Variants in PLA2G4C observed in about 807,000 individuals in gnomAD.
PLA2G4C encodes the protein cytosolic phospholipase A2 gamma.
PLA2G4C carries 64 observed loss-of-function variants against 73.8 expected under a neutral mutation model. That is an observed-to-expected ratio of 0.87 (90% confidence interval 0.71 to 1.07). The LOEUF (loss-of-function observed/expected upper bound fraction) is 1.07. Among genes scored for constraint, PLA2G4C ranks in the 50% least tolerant of loss-of-function variants. PLA2G4C has a pLI of 0.00. For missense variants in PLA2G4C, 622 were observed against 665.4 expected (o/e 0.93, Z 0.72); for synonymous variants, 254 against 252.1 (o/e 1.01, Z -0.07).
At chr19:48,055,614 G>A (rs1967911365) in intron 14 of PLA2G4C, among the ~76,000 whole-genome samples, 1 of 137,254 alleles carries the variant, frequency 7.3e-6, no homozygotes. Flanking sequence ...CTGTGTAACA[G>A]AAATATAATG....
At chr19:48,087,733 G>A (rs568648935) in intron 9 of PLA2G4C, among the ~76,000 whole-genome samples, 1 of 152,132 alleles carries the variant, frequency 6.6e-6, no homozygotes, top group Admixed American at 6.5e-5. Context: ...TTGGGAGATC[G>A]AGACCAGCCT....
intron 1 of PLA2G4C, 172 bp from the exon 2 acceptor site, chr19:48,106,733 GGGCGGC>G (rs1430898090): frequency 1.0e-5 from 6 of 578,302 alleles, no homozygotes; most frequent in Non-Finnish European, 1.9e-5. Flanking sequence ...ATAATCTCAG[GGGCGGC>G]CAAGCGAGGA....
chr19:48,050,673 C>T (rs74518067), intron 16 of PLA2G4C, among the ~76,000 whole-genome samples: 53 of 78,742 alleles, frequency 6.7e-4, no homozygotes, highest in Admixed American at 1.2e-3. Flanking sequence ...GAGTATGTGA[C>T]TTTTTTTTTT....
Position 48,091,905 on chromosome 19 carries a change from AAAAAT to A in PLA2G4C, c.710-1493_710-1489del, listed in dbSNP as rs1174717345. Reference sequence around the variant, plus strand: ...TCTCAAAAAAAAAAAAAAAAAAAAAAAAAATAGACACACCCATTAGGATGGCTGGT... The same window carrying A: ...TCTCAAAAAAAAAAAAAAAAAAAAAAAGACACACCCATTAGGATGGCTGGT... On this transcript the variant is annotated intron_variant, in intron 7 of 16. Transcript: ENST00000599921. Among the ~76,000 whole-genome samples the A allele has an allele frequency of 7.9e-3, 1,110 of 140,030 alleles. 90 individuals are homozygous for A. Among genetic ancestry groups the A allele is most frequent in the African/African-American group, 0.02 (752 of 38,132 alleles). The allele number at this position is 140,030 out of a possible 152,430, so 91.9% of individuals were successfully genotyped here.
At position 48,074,801 on chromosome 19, in the gene PLA2G4C, CT is replaced by C; in HGVS notation, c.971del (p.Lys324SerfsTer18). The C allele has an allele frequency of 6.2e-7, 1 of 1,613,736 alleles. No individual in the cohort carries two copies. Among genetic ancestry groups the C allele is most frequent in the Non-Finnish European group, 8.5e-7 (1 of 1,179,742 alleles). On this transcript the variant is annotated frameshift_variant, in exon 12 of 17. Coordinates refer to ENST00000599921, the MANE Select transcript of PLA2G4C (RefSeq NM_003706.3). LOFTEE classifies it high-confidence loss of function. ...CGGGGTCCTCATGGGGCTGCTCCTG[CT>C]TTTCCAGGGAGGTCCTGGTCCAATT... ...LENWTRTSLE[K>X]QEQPHEDPER...
intron 12 of PLA2G4C, among the ~76,000 whole-genome samples, chr19:48,071,368 G>T (rs1968650984): frequency 6.6e-6 from 1 of 151,994 alleles, no homozygotes; most frequent in African/African-American, 2.4e-5. Context: ...TCAGCTCACT[G>T]CAACCTCCGC....
In PLA2G4C at chr19:48,110,726, C is replaced by T; in HGVS notation, c.-272G>A. The T allele has an allele frequency of 2.3e-6, 1 of 442,558 alleles. No individual in the cohort carries two copies. The highest frequency in any genetic ancestry group is 3.9e-6 in the Non-Finnish European group (1 of 255,434). 27.4% of individuals were successfully genotyped at this position (442,558 alleles called of 1,614,324 possible). ...GGAGGTGTTTCCTCCTGGTCCTGAG[C>T]AGGGCCAACCTGGAGGTAAAATGGC... On this transcript the variant is annotated 5_prime_UTR_variant, in exon 1 of 17. Coordinates refer to ENST00000599921, the MANE Select transcript of PLA2G4C (RefSeq NM_003706.3).
At chr19:48,092,339 A>C (rs2031356447) in intron 7 of PLA2G4C, among the ~76,000 whole-genome samples, 2 of 152,176 alleles carry the variant, frequency 1.3e-5, no homozygotes, top group Non-Finnish European at 2.9e-5. Flanking sequence ...ATTAGCCACC[A>C]CACCTGGCCT....
At chr19:48,087,674 G>A (rs973400856) in intron 9 of PLA2G4C, among the ~76,000 whole-genome samples, 9 of 151,996 alleles carry the variant, frequency 5.9e-5, no homozygotes, top group Non-Finnish European at 1.2e-4. Context: ...GTGGCTCACG[G>A]CTGTAATCCC....
chr19:48,109,714 G>A (rs11083915), intron 1 of PLA2G4C, among the ~76,000 whole-genome samples: 67,148 of 151,374 alleles, frequency 0.44, 15,234 homozygotes, highest in East Asian at 0.63. Context: ...CAGTGGCGCA[G>A]TCTCGGCTCA....
At chr19:48,101,730 A>G (rs970016474) in intron 4 of PLA2G4C, among the ~76,000 whole-genome samples, 12 of 145,146 alleles carry the variant, frequency 8.3e-5, no homozygotes, top group Admixed American at 5.6e-4. Flanking sequence ...GCTGAAGTAC[A>G]GTGGTTCGAG....
At chr19:48,094,656 T>C (rs10406877) in intron 7 of PLA2G4C, among the ~76,000 whole-genome samples, 10,049 of 152,254 alleles carry the variant, frequency 0.066, 749 homozygotes, top group East Asian at 0.24. Context: ...AGCAGGGTAA[T>C]GCCTTCAGAC....
intron 5 of PLA2G4C, among the ~76,000 whole-genome samples, 189 bp downstream of exon 5, chr19:48,099,482 T>C (rs2031782843): frequency 6.6e-6 from 1 of 152,208 alleles, no homozygotes. Flanking sequence ...AGTCAATTTC[T>C]GTCACTTGCA....
At chr19:48,108,010 A>G (rs2032316630) in intron 1 of PLA2G4C, among the ~76,000 whole-genome samples, 1 of 152,014 alleles carries the variant, frequency 6.6e-6, no homozygotes, top group South Asian at 2.1e-4. Context: ...TTATTATCCA[A>G]TAAATAACAG....
At chr19:48,095,640 A>G (rs776242733) in intron 6 of PLA2G4C, 36 bp from the exon 7 acceptor site, 5 of 1,611,112 alleles carry the variant, frequency 3.1e-6, no homozygotes, top group Non-Finnish European at 4.2e-6. Flanking sequence ...GAGTCCCAGC[A>G]CAGAACCAGG....
chr19:48,048,389 C>T lies in PLA2G4C; in HGVS notation c.1581-1G>A. On this transcript the variant is annotated splice_acceptor_variant, in intron 16 of 16. Transcript: ENST00000599921. LOFTEE classifies it high-confidence loss of function. ...GGCACTATCCTTCGGGTAGTAGAGC[C>T]TGGGGAGAAAGGAAAGTTAGAAGTT... is the stretch of plus-strand genomic sequence containing the variant. The T allele has an allele frequency of 1.3e-6, 2 of 1,585,572 alleles. No individual in the cohort carries two copies. The highest frequency in any genetic ancestry group is 8.5e-7 in the Non-Finnish European group (1 of 1,170,222).
chr19:48,074,503 A>T, intron 12 of PLA2G4C: 1 of 479,332 alleles, frequency 2.1e-6, no homozygotes, highest in Non-Finnish European at 3.8e-6. Flanking sequence ...TATACCCAGT[A>T]ATGGGATTGC....
intron 14 of PLA2G4C, chr19:48,061,596 T>C (rs1968174446): frequency 4.9e-6 from 1 of 204,762 alleles, no homozygotes; most frequent in Non-Finnish European, 1.0e-5. Flanking sequence ...CAAACATTTA[T>C]TGAGGGCCAC....
chr19:48,110,531 T>TGCTCCGGAATCCGGTGCGGAGGATTGG lies in PLA2G4C; in HGVS notation c.-78_-77insCCAATCCTCCGCACCGGATTCCGGAGC. The stretch of plus-strand genomic sequence containing the variant: ...GTGTGCGCATGCGCGGTGGAGCTTG[T>TGCTCCGGAATCCGGTGCGGAGGATTGG]GCTCCGGAATCCGGTGCGGAGGCTT... On this transcript the variant is annotated 5_prime_UTR_variant, in exon 1 of 17. Transcript: ENST00000599921. 2.9e-6 allele frequency: 4 copies of TGCTCCGGAATCCGGTGCGGAGGATTGG among 1,386,156 alleles called. No individual in the cohort carries two copies. Among genetic ancestry groups the TGCTCCGGAATCCGGTGCGGAGGATTGG allele is most frequent in the East Asian group, 2.9e-5 (1 of 34,242 alleles). The allele number at this position is 1,386,156 out of a possible 1,614,324, so 85.9% of individuals were successfully genotyped here.
Sources: gnomAD v4.1 joint callset for allele counts (sites outside exome capture counted in the v4.1 genomes callset) on GRCh38, gnomAD v4.1.1 for gene constraint, MANE v1.5 for transcripts, NCBI Gene and HGNC (gene_info 2026-07-23, HGNC 2026-07-21) for gene names.